SPPL2A: variants seen among roughly 807,000 people sequenced by gnomAD.
The protein encoded by SPPL2A is signal peptide peptidase-like 2A.
SPPL2A carries 51 observed loss-of-function variants against 63.8 expected under a neutral mutation model. The observed-to-expected ratio is 0.80, with a 90% confidence interval of 0.64 to 1.01. SPPL2A has a LOEUF of 1.01. SPPL2A is among the 50% of genes least tolerant of loss of function. The pLI is 0.00. For missense variants in SPPL2A, 553 were observed against 622.7 expected, an observed-to-expected ratio of 0.89 and a Z score of 1.19; for synonymous variants, 188 against 205.8, an observed-to-expected ratio of 0.91 and a Z score of 0.74.
At chr15:50,708,213 C>A (rs981494671) in intron 14 of SPPL2A, among the ~76,000 whole-genome samples, 3 of 152,194 alleles carry the variant, frequency 2.0e-5, no homozygotes, top group Non-Finnish European at 4.4e-5. Flanking sequence ...GGACACTATT[C>A]CAGGCAGTGT....
rs762183257 is a variant in SPPL2A, at chr15:50,706,927, G to A, written c.*873C>T. ...AAAATGTTCTTAATATAATACACGT[G>A]CAGTCTGAAGTAATTTCAGTTCTCA... On this transcript the variant is annotated 3_prime_UTR_variant, in exon 15 of 15. Transcript: ENST00000261854. The A allele has an allele frequency of 6.6e-6, 1 of 151,942 alleles. No individual in the cohort carries two copies. Among genetic ancestry groups the A allele is most frequent in the Non-Finnish European group, 1.5e-5 (1 of 67,996 alleles). The allele number at this position is 151,942 out of a possible 1,614,324, so 9.4% of individuals were successfully genotyped here.
At chr15:50,726,583 T>A (rs1315451196) in intron 10 of SPPL2A, among the ~76,000 whole-genome samples, 1 of 152,220 alleles carries the variant, frequency 6.6e-6, no homozygotes, top group Non-Finnish European at 1.5e-5. Context: ...CTCCACTTTA[T>A]CAGAGCTCAA....
chr15:50,756,732 T>C (rs1596399403), intron 1 of SPPL2A, among the ~76,000 whole-genome samples: 1 of 151,996 alleles, frequency 6.6e-6, no homozygotes, highest in East Asian at 1.9e-4. Flanking sequence ...TTGACAAAAA[T>C]CATTTAAGAG....
chr15:50,733,645 G>A (rs1313757634), intron 8 of SPPL2A, among the ~76,000 whole-genome samples: 1 of 151,966 alleles, frequency 6.6e-6, no homozygotes, highest in African/African-American at 2.4e-5. Flanking sequence ...CACAGACAAC[G>A]AAAGCAAAAA....
chr15:50,742,353 G>A (rs1357637502), intron 5 of SPPL2A, among the ~76,000 whole-genome samples: 3 of 151,856 alleles, frequency 2.0e-5, no homozygotes, highest in Non-Finnish European at 4.4e-5. Flanking sequence ...TCGCGCCATT[G>A]CACTCCAACC....
intron 14 of SPPL2A, among the ~76,000 whole-genome samples, chr15:50,715,137 G>C (rs62018764): frequency 0.022 from 3,341 of 152,082 alleles, 50 homozygotes; most frequent in Middle Eastern, 0.1. Context: ...GGGATTACAA[G>C]TGTGTGCCAT....
Position 50,748,699 on chromosome 15 carries a change from T to C in SPPL2A, c.349A>G (p.Asn117Asp). The C allele has an allele frequency of 6.3e-7, 1 of 1,596,664 alleles. No homozygotes were observed. Among genetic ancestry groups the C allele is most frequent in the South Asian group, 1.1e-5 (1 of 88,050 alleles). Residue 117 changes from asparagine to aspartate, a missense_variant, in exon 3 of 15, where the codon AAC becomes GAC. Physicochemically the swap from Asn to Asp is conservative, Grantham distance 23. Transcript: ENST00000261854. ...TTTTTATAACTTACTAGGACACTGT[T>C]ATTGACAACTAACATTGCTTCAGCA... ...GGAEAMLVVNNSVLFPPSGNR... is the reference protein window; with the variant it reads ...GGAEAMLVVNDSVLFPPSGNR...
In SPPL2A at chr15:50,744,758, T is replaced by C. The variant is rs2062845694; in HGVS notation, c.584+2737A>G. 2.6e-5 allele frequency among the ~76,000 whole-genome samples: 4 copies of C among 152,340 alleles called. No homozygotes were observed. The South Asian group carries it at 8.3e-4, about 32-fold the overall frequency. On this transcript the variant is annotated intron_variant, in intron 5 of 14. Transcript: ENST00000261854. The stretch of plus-strand genomic sequence containing the variant: ...TGTTTAAACTGGCAGAAAGTTGAAA[T>C]CTTTGGCTATTCAGGAAATCAAGAC...
rs2062503402 is a variant in SPPL2A at position 50,705,804 on chromosome 15, A to G, written c.*1996T>C. The G allele has an allele frequency of 6.6e-6, 1 of 152,238 alleles. No homozygotes were observed. Among genetic ancestry groups the G allele is most frequent in the Non-Finnish European group, 1.5e-5 (1 of 68,042 alleles). 9.4% of individuals were successfully genotyped at this position (152,238 alleles called of 1,614,324 possible). On this transcript the variant is annotated 3_prime_UTR_variant, in exon 15 of 15. Coordinates refer to ENST00000261854, the MANE Select transcript of SPPL2A (RefSeq NM_032802.4). ...AAAGGTCTGATCAATTTTAAAAGGC[A>G]TTAGTTTTATTTTTAATAAATTGAA...
At chr15:50,714,714 G>GT (rs2062587504) in intron 14 of SPPL2A, among the ~76,000 whole-genome samples, 1 of 150,818 alleles carries the variant, frequency 6.6e-6, no homozygotes, top group East Asian at 2.0e-4. Flanking sequence ...GGCCAAGGCA[G>GT]GTGGGTTCAC....
chr15:50,760,552 C>G (rs997819665), intron 1 of SPPL2A, among the ~76,000 whole-genome samples: 4 of 152,174 alleles, frequency 2.6e-5, no homozygotes, highest in African/African-American at 7.2e-5. Flanking sequence ...AGCCACCACA[C>G]CTGGCCTGAT....
At position 50,707,832 on chromosome 15, in the gene SPPL2A, C is replaced by T. The variant is rs1461575907; in HGVS notation, c.1531G>A (p.Val511Met). 3.8e-6 allele frequency: 6 copies of T among 1,593,724 alleles called. No individual in the cohort carries two copies. The highest frequency in any genetic ancestry group is 5.2e-6 in the Non-Finnish European group (6 of 1,161,638). The stretch of plus-strand genomic sequence containing the variant: ...TGGACAATCTGTTCACCAGATATCA[C>T]AGGGTTTTCTTCATTTGTTGCACAA... ...LDCATNEENP[V>M]ISGEQIVQQ is the part of the protein sequence containing the mutation. The change falls in exon 15 of 15, where the codon GTG becomes ATG. Residue 511 changes from valine (V) to methionine (M), a missense_variant. Physicochemically the swap from Val to Met is conservative, Grantham distance 21. Coordinates refer to ENST00000261854, the MANE Select transcript of SPPL2A (RefSeq NM_032802.4).
chr15:50,747,642 T>C lies in SPPL2A; in HGVS notation c.451-14A>G. The C allele has an allele frequency of 6.3e-7, 1 of 1,589,552 alleles. No individual in the cohort carries two copies. The highest frequency in any genetic ancestry group is 8.6e-7 in the Non-Finnish European group (1 of 1,164,936). ...ATCTCCTAGAGTCTGAAAGGCAAAA[T>C]AACAGTTAAACACAGGAATAACTTT... On this transcript the variant is annotated splice_polypyrimidine_tract_variant and intron_variant, in intron 4 of 14. Coordinates refer to ENST00000261854, the MANE Select transcript of SPPL2A (RefSeq NM_032802.4).
chr15:50,723,960 T>G (rs1249672845), intron 12 of SPPL2A, among the ~76,000 whole-genome samples: 1 of 152,192 alleles, frequency 6.6e-6, no homozygotes, highest in Non-Finnish European at 1.5e-5. Flanking sequence ...ACTTCAATAA[T>G]GTAGTATTTA....
chr15:50,765,432 C>T, intron 1 of SPPL2A, 36 bp downstream of exon 1: 1 of 1,481,908 alleles, frequency 6.7e-7, no homozygotes, highest in Non-Finnish European at 8.9e-7. Flanking sequence ...CCCCGCCCAG[C>T]CCCTGGGAGG....
chr15:50,756,981 C>T (rs1434820488), intron 1 of SPPL2A, among the ~76,000 whole-genome samples: 3 of 152,264 alleles, frequency 2.0e-5, no homozygotes, highest in Admixed American at 2.0e-4. Context: ...ACATATTTCT[C>T]TGCATTCGCT....
chr15:50,759,877 T>TATC (rs2141063864), intron 1 of SPPL2A, among the ~76,000 whole-genome samples: 1 of 152,316 alleles, frequency 6.6e-6, no homozygotes, highest in African/African-American at 2.4e-5. Flanking sequence ...TCCTGAACCT[T>TATC]CTCAGGATTT....
chr15:50,745,857 T>C (rs578084228), intron 5 of SPPL2A, among the ~76,000 whole-genome samples: 34 of 151,296 alleles, frequency 2.2e-4, no homozygotes, highest in Admixed American at 1.4e-3. Context: ...TCAAGACCAG[T>C]CTGGCCAACA....
rs71127139 is a variant in SPPL2A at position 50,746,436 on chromosome 15, C to CAAA, written c.584+1056_584+1058dup. On this transcript the variant is annotated intron_variant, in intron 5 of 14. Transcript: ENST00000261854. ...CTGGCAACAGAGCGAGACTCTGTAT[C>CAAA]AAAAAAAAAAAAAAAAAAAAAAAAA... 2.8e-3 allele frequency among the ~76,000 whole-genome samples: 246 copies of CAAA among 87,038 alleles called. 1 individual carries two copies. The highest frequency in any genetic ancestry group is 3.8e-3 in the Non-Finnish European group (161 of 42,926). The allele number at this position is 87,038 out of a possible 152,430, so 57.1% of individuals were successfully genotyped here. A position where few individuals can be genotyped will look rare whatever the true frequency, so the allele number is the denominator to read the frequency against.
Sources: allele counts gnomAD v4.1 joint callset (sites outside exome capture counted in the v4.1 genomes callset), GRCh38; gene constraint gnomAD v4.1.1; transcripts MANE v1.5; gene names NCBI Gene and HGNC (gene_info 2026-07-23, HGNC 2026-07-21).